The following NHSL1 variants were observed in gnomAD, a reference collection of about 807,000 sequenced individuals.
The protein encoded by NHSL1 is NHS like 1.
NHSL1 carries 48 observed loss-of-function variants against 95.0 expected under a neutral mutation model. The ratio of observed to expected loss-of-function variants is 0.51; its 90% CI spans 0.40 to 0.64. The LOEUF (loss-of-function observed/expected upper bound fraction) is 0.64, where lower values mean the gene tolerates loss of function less well. NHSL1 is among the 30% of genes least tolerant of loss of function. NHSL1 has a pLI of 0.00. For missense variants in NHSL1, 1,971 were observed against 2,077.7 expected (o/e 0.95, Z 1.00); for synonymous variants, 783 against 833.9 (o/e 0.94, Z 1.05).
At chr6:138,684,478 T>G (rs1194733076) in intron 1 of NHSL1, among the ~76,000 whole-genome samples, 3 of 151,912 alleles carry the variant, frequency 2.0e-5, no homozygotes, top group Non-Finnish European at 4.4e-5. Flanking sequence ...AAACCCCATC[T>G]CTACTAAAAA....
chr6:138,621,053 C>CA (rs1330579537), intron 1 of NHSL1, among the ~76,000 whole-genome samples: 3 of 152,180 alleles, frequency 2.0e-5, no homozygotes, highest in Non-Finnish European at 2.9e-5. Flanking sequence ...AAGTTGGACA[C>CA]ACCAGGCCCC....
At chr6:138,627,345 T>C (rs1409940457) in intron 1 of NHSL1, among the ~76,000 whole-genome samples, 2 of 152,230 alleles carry the variant, frequency 1.3e-5, no homozygotes, top group Non-Finnish European at 2.9e-5. Flanking sequence ...TAGTACTTAA[T>C]AGAATGTTCC....
At chr6:138,515,359 A>G (rs1781416130) in intron 1 of NHSL1, among the ~76,000 whole-genome samples, 1 of 152,174 alleles carries the variant, frequency 6.6e-6, no homozygotes, top group African/African-American at 2.4e-5. Flanking sequence ...GCCTCATCTC[A>G]TTCATTAAGG....
rs527299475 is a variant in NHSL1, at chr6:138,424,166, G to A, written c.4736C>T (p.Ala1579Val). The A allele has an allele frequency of 8.2e-6, 12 of 1,459,194 alleles. No homozygotes were observed. The East Asian group carries it at 3.0e-4, about 36-fold the overall frequency. 90.4% of individuals were successfully genotyped at this position (1,459,194 alleles called of 1,614,324 possible). A position where few individuals can be genotyped will look rare whatever the true frequency, so the allele number is the denominator to read the frequency against. ...EGPAASLQPQ[A>V]PGPVDGTASA... ...GGCTGTCCCATCCACAGGGCCGGGG[G>A]CCTGGGGCTGCAGGGAGGCGGCAGG... Residue 1579 changes from alanine to valine, a missense_variant, in exon 8 of 8, where the codon GCC becomes GTC. Around this residue, in one of 3 missense-constraint regions of NHSL1, gnomAD observed 223 missense variants for 217.0 expected, o/e 1.03. Coordinates refer to ENST00000343505, the MANE Select transcript of NHSL1 (RefSeq NM_001144060.2). This position sits in a 1 kb window ranked among gnomAD's most constrained non-coding sequence, Gnocchi z 5.9.
chr6:138,427,429 G>C (rs75428268), intron 7 of NHSL1, among the ~76,000 whole-genome samples: 145 of 151,506 alleles, frequency 9.6e-4, no homozygotes, highest in African/African-American at 3.4e-3. Flanking sequence ...GACAGAGTGA[G>C]TGAGACTCTG....
chr6:138,632,354 C>T (rs1006982593), intron 1 of NHSL1, among the ~76,000 whole-genome samples: 1 of 152,150 alleles, frequency 6.6e-6, no homozygotes, highest in African/African-American at 2.4e-5. Flanking sequence ...GATTGTAGAA[C>T]CCCAAGGCCT....
chr6:138,618,253 G>T (rs1433362313), intron 1 of NHSL1, among the ~76,000 whole-genome samples: 2 of 152,070 alleles, frequency 1.3e-5, no homozygotes, highest in Non-Finnish European at 2.9e-5. Flanking sequence ...ACACGCCCAG[G>T]CCCCAACCCC....
intron 1 of NHSL1, among the ~76,000 whole-genome samples, chr6:138,611,663 G>A (rs981776448): frequency 2.0e-5 from 3 of 151,940 alleles, no homozygotes; most frequent in Admixed American, 6.6e-5. Context: ...GGAGAATGGC[G>A]TGAACCCGGG....
At chr6:138,554,132 T>G (rs937020340) in intron 1 of NHSL1, among the ~76,000 whole-genome samples, 1 of 152,212 alleles carries the variant, frequency 6.6e-6, no homozygotes, top group Non-Finnish European at 1.5e-5. Context: ...CTAAATTGTT[T>G]TCTCTTTGCC....
chr6:138,427,431 G>A (rs949249447), intron 7 of NHSL1, among the ~76,000 whole-genome samples: 6 of 150,992 alleles, frequency 4.0e-5, no homozygotes, highest in African/African-American at 1.2e-4. Flanking sequence ...CAGAGTGAGT[G>A]AGACTCTGTA....
At chr6:138,461,128 G>A (rs1777968945) in intron 3 of NHSL1, among the ~76,000 whole-genome samples, 1 of 151,910 alleles carries the variant, frequency 6.6e-6, no homozygotes, top group Non-Finnish European at 1.5e-5. Context: ...TTACTGAGGT[G>A]GTTTTGAAAA....
intron 2 of NHSL1, among the ~76,000 whole-genome samples, chr6:138,484,344 G>C (rs1295208292): frequency 6.6e-6 from 1 of 152,090 alleles, no homozygotes; most frequent in Non-Finnish European, 1.5e-5. Context: ...TCTTTGCCAG[G>C]GGAGGGGGTA....
At chr6:138,446,060 G>C (rs868644813) in intron 4 of NHSL1, among the ~76,000 whole-genome samples, 1 of 146,358 alleles carries the variant, frequency 6.8e-6, no homozygotes, top group Middle Eastern at 3.5e-3. Flanking sequence ...TTGAGGTGAA[G>C]TTTTGCTCCT....
At position 138,438,661 on chromosome 6, in the gene NHSL1, TTAA is replaced by T. The variant is rs541487665; in HGVS notation, c.664+3319_664+3321del. On this transcript the variant is annotated intron_variant, in intron 5 of 7. Coordinates refer to ENST00000343505, the MANE Select transcript of NHSL1 (RefSeq NM_001144060.2). Reference sequence around the variant, plus strand: ...ATAATTATTTATACTTTTTCTTTTATTAATAATATTTTGAATTTCTAAAAAATA... The same window carrying T: ...ATAATTATTTATACTTTTTCTTTTATTAATATTTTGAATTTCTAAAAAATA... Among the ~76,000 whole-genome samples, 15 of 152,292 alleles carry T rather than the reference TTAA, an allele frequency of 9.8e-5. No individual in the cohort carries two copies. In the South Asian group the frequency reaches 2.3e-3, roughly 23 times the overall value.
At chr6:138,651,998 T>G (rs1188642829) in intron 1 of NHSL1, among the ~76,000 whole-genome samples, 1 of 152,250 alleles carries the variant, frequency 6.6e-6, no homozygotes, top group African/African-American at 2.4e-5. Flanking sequence ...CATGAAACTG[T>G]ATCAGAACAT....
chr6:138,666,888 A>G (rs563446612), intron 1 of NHSL1, among the ~76,000 whole-genome samples: 1 of 152,330 alleles, frequency 6.6e-6, no homozygotes, highest in African/African-American at 2.4e-5. Flanking sequence ...TAATCATACC[A>G]CCAATAAGAG....
At position 138,424,163 on chromosome 6, in the gene NHSL1, G is replaced by A; in HGVS notation, c.4739C>T (p.Pro1580Leu). Residue 1580 changes from proline to leucine, a missense_variant, in exon 8 of 8, where the codon CCC becomes CTC. Coordinates refer to ENST00000343505, the MANE Select transcript of NHSL1 (RefSeq NM_001144060.2). The surrounding 1 kb of genome is among the most constrained non-coding windows in gnomAD (Gnocchi z 5.9). ...ACTGGCTGTCCCATCCACAGGGCCG[G>A]GGGCCTGGGGCTGCAGGGAGGCGGC... ...GPAASLQPQA[P>L]GPVDGTASAE... The A allele has an allele frequency of 6.9e-7, 1 of 1,454,950 alleles. No individual in the cohort carries two copies. Among genetic ancestry groups the A allele is most frequent in the Non-Finnish European group, 9.0e-7 (1 of 1,107,972 alleles). The allele number at this position is 1,454,950 out of a possible 1,614,324, so 90.1% of individuals were successfully genotyped here. A position where few individuals can be genotyped will look rare whatever the true frequency, so the allele number is the denominator to read the frequency against.
rs138977138 is a variant in NHSL1, at chr6:138,621,301, T to G, written c.96+71175A>C. Among the ~76,000 whole-genome samples the G allele has an allele frequency of 1.9e-3, 283 of 152,264 alleles. 3 individuals carry two copies. The highest frequency in any genetic ancestry group is 0.014 in the East Asian group (72 of 5,178). ...TTTAGTTCCATGGGAAGTCAAAGCT[T>G]TAAGTCCATCCCAGAAGGACCAAAG... On this transcript the variant is annotated intron_variant, in intron 1 of 3. Coordinates refer to the NHSL1 transcript ENST00000491526.
chr6:138,445,403 T>G (rs1340662579), intron 4 of NHSL1, among the ~76,000 whole-genome samples: 6 of 152,236 alleles, frequency 3.9e-5, no homozygotes, highest in South Asian at 4.1e-4. Context: ...AACATAGTTA[T>G]ACTTTTAAAA....
Sources: gnomAD v4.1 joint callset for allele counts (sites outside exome capture counted in the v4.1 genomes callset) on GRCh38, gnomAD v4.1.1 for gene constraint, gnomAD v4.1.1 regional missense constraint, Gnocchi (gnomAD v3.1) non-coding constraint, MANE v1.5 for transcripts, NCBI Gene and HGNC (gene_info 2026-07-23, HGNC 2026-07-21) for gene names.